SUPT3H: variants seen among roughly 807,000 people sequenced by gnomAD.
SUPT3H encodes the protein transcription initiation protein SPT3 homolog.
In SUPT3H, 44 loss-of-function variants were observed where a neutral mutation model predicts 44.3. That is an observed-to-expected ratio of 0.99 (90% CI 0.78 to 1.28). The LOEUF (loss-of-function observed/expected upper bound fraction) is 1.28. Ranked by LOEUF, SUPT3H falls within the 50% of genes most tolerant of loss-of-function variation. The probability of loss-of-function intolerance (pLI) is 0.00; values close to 1 mark genes in which losing one functional copy is unlikely to be tolerated. For synonymous variants in SUPT3H, 124 were observed against 125.6 expected (o/e 0.99, Z 0.09); for missense variants, 380 against 387.1 (o/e 0.98, Z 0.15).
intron 3 of SUPT3H, among the ~76,000 whole-genome samples, chr6:45,086,631 C>T (rs974492027): frequency 6.6e-6 from 1 of 151,860 alleles, no homozygotes; most frequent in African/African-American, 2.4e-5. Flanking sequence ...AAACTCCCTC[C>T]AGCAATTCTT....
intron 3 of SUPT3H, among the ~76,000 whole-genome samples, chr6:45,021,271 C>T (rs1243543106): frequency 1.3e-5 from 2 of 150,996 alleles, no homozygotes; most frequent in Non-Finnish European, 2.9e-5. Context: ...AGTTAGATTC[C>T]CCCTGAAATG....
At chr6:45,373,247 A>C (rs1796335680) in intron 1 of SUPT3H, among the ~76,000 whole-genome samples, 3 of 151,942 alleles carry the variant, frequency 2.0e-5, no homozygotes, top group African/African-American at 7.3e-5. Context: ...GCCGGCCACG[A>C]TTTTCATGTT....
chr6:44,947,787 T>C (rs547528744), intron 9 of SUPT3H, among the ~76,000 whole-genome samples: 11 of 152,338 alleles, frequency 7.2e-5, no homozygotes, highest in African/African-American at 2.6e-4. Context: ...AATAACTAGA[T>C]ATCCATAAGT....
intron 3 of SUPT3H, among the ~76,000 whole-genome samples, chr6:45,057,454 C>G (rs1038274493): frequency 3.3e-5 from 5 of 151,510 alleles, no homozygotes; most frequent in African/African-American, 9.7e-5. Context: ...ACACAAAACC[C>G]AACAGAGCCT....
intron 2 of SUPT3H, among the ~76,000 whole-genome samples, chr6:45,150,425 C>T (rs1228193302): frequency 6.6e-5 from 10 of 152,004 alleles, no homozygotes; most frequent in Non-Finnish European, 1.3e-4. Context: ...ACGAAATACA[C>T]AAATATATAA....
chr6:45,328,393 AG>A, intron 2 of SUPT3H: 1 of 1,407,006 alleles, frequency 7.1e-7, no homozygotes, highest in Non-Finnish European at 9.5e-7. Flanking sequence ...GAGGACAGCA[AG>A]AAGTCTCTGG....
intron 2 of SUPT3H, among the ~76,000 whole-genome samples, chr6:45,349,701 T>TA (rs1409409869): frequency 6.6e-6 from 1 of 152,248 alleles, no homozygotes; most frequent in Non-Finnish European, 1.5e-5. Context: ...ATTTCATCAT[T>TA]AAAATTATAT....
At chr6:45,258,509 TAC>T (rs1773783608) in intron 2 of SUPT3H, among the ~76,000 whole-genome samples, 1 of 152,216 alleles carries the variant, frequency 6.6e-6, no homozygotes, top group African/African-American at 2.4e-5. Context: ...TTTCACTTTT[TAC>T]ACCATCTCAG....
At chr6:45,053,217 C>T (rs1562346200) in intron 3 of SUPT3H, among the ~76,000 whole-genome samples, 2 of 145,280 alleles carry the variant, frequency 1.4e-5, no homozygotes, top group African/African-American at 5.1e-5. Context: ...TTTGTTTTGC[C>T]TTTTTTTTTT....
intron 6 of SUPT3H, among the ~76,000 whole-genome samples, chr6:44,984,691 G>A (rs984464554): frequency 2.6e-5 from 4 of 152,050 alleles, no homozygotes; most frequent in Non-Finnish European, 5.9e-5. Context: ...TCAGCATCCT[G>A]ACAAAACTGA....
chr6:45,111,187 CA>C (rs1161445103), intron 2 of SUPT3H, among the ~76,000 whole-genome samples: 49 of 151,960 alleles, frequency 3.2e-4, no homozygotes, highest in African/African-American at 1.1e-3. Context: ...CGCCCGCCAC[CA>C]TGCCCAGCTA....
intron 10 of SUPT3H, among the ~76,000 whole-genome samples, chr6:44,893,907 C>T (rs36147021): frequency 1.4e-4 from 20 of 143,406 alleles, no homozygotes; most frequent in Admixed American, 2.9e-4. Flanking sequence ...TTTTAATGAT[C>T]GCCATTCTAA....
chr6:44,964,060 G>A (rs886321339), intron 6 of SUPT3H, among the ~76,000 whole-genome samples: 14 of 151,994 alleles, frequency 9.2e-5, no homozygotes, highest in Admixed American at 7.2e-4. Context: ...TAATACTAAC[G>A]TTAATTTGTA....
rs148233048 is a variant in SUPT3H, at chr6:45,184,660, G to A, written c.102-78654C>T. On this transcript the variant is annotated intron_variant, in intron 2 of 10. Transcript: ENST00000371459. ...AAAAGAAGGCTGGCTGCCTAGGGAC[G>A]TCACTATTTGATAAATAACATGGCA... is the stretch of plus-strand genomic sequence containing the variant. 4.6e-5 allele frequency among the ~76,000 whole-genome samples: 7 copies of A among 151,496 alleles called. No homozygotes were observed. In the East Asian group the frequency reaches 1.2e-3, roughly 25 times the overall value.
rs183976254 is a variant in SUPT3H at position 45,232,459 on chromosome 6, G to A, written c.102-126453C>T. On this transcript the variant is annotated intron_variant, in intron 2 of 10. Coordinates refer to ENST00000371459, the MANE Select transcript of SUPT3H (RefSeq NM_003599.4). ...ATGATGGCAGTGATGAGCTGACTGT[G>A]CCTGATCATGGGCTCCAGGGCAGTG... Among the ~76,000 whole-genome samples the A allele has an allele frequency of 2.1e-3, 324 of 152,298 alleles. 1 individual carries two copies. Among genetic ancestry groups the A allele is most frequent in the African/African-American group, 7.5e-3 (310 of 41,562 alleles).
intron 10 of SUPT3H, among the ~76,000 whole-genome samples, chr6:44,839,561 G>C (rs1020148047): frequency 2.0e-5 from 3 of 152,014 alleles, no homozygotes; most frequent in African/African-American, 7.2e-5. Context: ...TCTTGCCTTA[G>C]CTACCCATCA....
At chr6:45,226,690 C>T (rs571360101) in intron 2 of SUPT3H, among the ~76,000 whole-genome samples, 4 of 152,262 alleles carry the variant, frequency 2.6e-5, no homozygotes, top group African/African-American at 9.6e-5. Context: ...TGCCACCACA[C>T]CCAGCTAATT....
intron 5 of SUPT3H, among the ~76,000 whole-genome samples, chr6:45,010,125 C>T (rs1288916651): frequency 6.6e-6 from 1 of 151,830 alleles, no homozygotes; most frequent in African/African-American, 2.4e-5. Context: ...TTCTTAATTT[C>T]ATTTTTGAGG....
At chr6:45,053,478 G>C (rs12205071) in intron 3 of SUPT3H, among the ~76,000 whole-genome samples, 54,500 of 151,648 alleles carry the variant, frequency 0.36, 10,546 homozygotes, top group Non-Finnish European at 0.43. Context: ...AAAACAGTAT[G>C]GTGAGGTGCA....
Sources: allele counts gnomAD v4.1 joint callset (sites outside exome capture counted in the v4.1 genomes callset), GRCh38; gene constraint gnomAD v4.1.1; transcripts MANE v1.5; gene names NCBI Gene and HGNC (gene_info 2026-07-23, HGNC 2026-07-21).